The following PDGFRA variants were observed in gnomAD, a reference collection of about 807,000 sequenced individuals.
PDGFRA encodes platelet-derived growth factor receptor alpha.
In PDGFRA, 25 loss-of-function variants were observed where a neutral mutation model predicts 121.5. That is an observed-to-expected ratio of 0.21 (90% confidence interval 0.15 to 0.29). The LOEUF (loss-of-function observed/expected upper bound fraction) is 0.29. Among genes scored for constraint, PDGFRA ranks in the 10% least tolerant of loss-of-function variants. The pLI is 1.00. For missense variants in PDGFRA, 1,008 were observed against 1,345.1 expected (o/e 0.75, Z 3.92); for synonymous variants, 463 against 494.8 (o/e 0.94, Z 0.85).
chr4:54,266,218 A>AAT (rs1358905596), intron 5 of PDGFRA, among the ~76,000 whole-genome samples: 1 of 152,316 alleles, frequency 6.6e-6, no homozygotes, highest in Non-Finnish European at 1.5e-5. Context: ...TTGGCTTACA[A>AAT]ATATATAATC....
intron 22 of PDGFRA, among the ~76,000 whole-genome samples, chr4:54,294,232 G>C (rs375631876): frequency 5.3e-5 from 8 of 151,930 alleles, no homozygotes; most frequent in Non-Finnish European, 8.8e-5. Flanking sequence ...GTCTGCGATG[G>C]AACTTCACGG....
In PDGFRA at chr4:54,296,120, T is replaced by C. The variant is rs1188724803; in HGVS notation, c.*848T>C. 4.3e-6 allele frequency: 1 copy of C among 232,734 alleles called. No individual in the cohort carries two copies. Among genetic ancestry groups the C allele is most frequent in the African/African-American group, 2.2e-5 (1 of 45,322 alleles). The allele number at this position is 232,734 out of a possible 1,614,324, so 14.4% of individuals were successfully genotyped here. A position where few individuals can be genotyped will look rare whatever the true frequency, so the allele number is the denominator to read the frequency against. On this transcript the variant is annotated 3_prime_UTR_variant, in exon 23 of 23. Coordinates refer to ENST00000257290, the MANE Select transcript of PDGFRA (RefSeq NM_006206.6). The stretch of plus-strand genomic sequence containing the variant: ...TTAGTGAATTAAATTTAGTTGAGCA[T>C]AGAGAACAAAGTAAAAGTAGTGTTG...
At chr4:54,272,108 A>G (rs765736259) in intron 8 of PDGFRA, among the ~76,000 whole-genome samples, 78 of 149,616 alleles carry the variant, frequency 5.2e-4, no homozygotes, top group Admixed American at 1.1e-3. Context: ...CAGCCTCCCA[A>G]GTAGCTGGGG....
At chr4:54,230,628 TA>T (rs1720607147) in intron 1 of PDGFRA, 1 of 151,536 alleles carries the variant, frequency 6.6e-6, no homozygotes. Context: ...AGGTGGGAGG[TA>T]AACCATATTC....
intron 1 of PDGFRA, among the ~76,000 whole-genome samples, chr4:54,237,768 T>C (rs1721093089): frequency 6.6e-6 from 1 of 152,220 alleles, no homozygotes; most frequent in African/African-American, 2.4e-5. Flanking sequence ...TTTCTCCTGC[T>C]GTGGTGAGCA....
chr4:54,284,808 G>GTC (rs1381998683), intron 16 of PDGFRA, among the ~76,000 whole-genome samples: 2 of 149,606 alleles, frequency 1.3e-5, no homozygotes, highest in Non-Finnish European at 3.0e-5. Flanking sequence ...TTGCGTGTGT[G>GTC]TGTGTGTGTA....
chr4:54,273,976 C>T (rs147895768), intron 10 of PDGFRA, among the ~76,000 whole-genome samples: 43 of 152,274 alleles, frequency 2.8e-4, no homozygotes, highest in South Asian at 1.0e-3. Flanking sequence ...CTACCTAGGA[C>T]GTTGTTTTAG....
In PDGFRA at chr4:54,295,862, C is replaced by A. The variant is rs993682652; in HGVS notation, c.*590C>A. 8.5e-6 allele frequency: 2 copies of A among 234,486 alleles called. No homozygotes were observed. Among genetic ancestry groups the A allele is most frequent in the Admixed American group, 5.5e-5 (1 of 18,058 alleles). The allele number at this position is 234,486 out of a possible 1,614,324, so 14.5% of individuals were successfully genotyped here. On this transcript the variant is annotated 3_prime_UTR_variant, in exon 23 of 23. Coordinates refer to ENST00000257290, the MANE Select transcript of PDGFRA (RefSeq NM_006206.6). Reference sequence around the variant, plus strand: ...GAGATAAAGAATAATAATTAACCAACCTTGTTTAATAGATTTGGGTCATTT... The same window carrying A: ...GAGATAAAGAATAATAATTAACCAAACTTGTTTAATAGATTTGGGTCATTT...
At chr4:54,281,490 C>A (rs1029992175) in intron 16 of PDGFRA, 2 of 837,338 alleles carry the variant, frequency 2.4e-6, no homozygotes, top group Non-Finnish European at 3.4e-6. Flanking sequence ...AACTTCCAAG[C>A]GCTTTTAAAA....
intron 1 of PDGFRA, among the ~76,000 whole-genome samples, chr4:54,234,230 T>C (rs1169329671): frequency 6.6e-6 from 1 of 150,872 alleles, no homozygotes; most frequent in East Asian, 2.0e-4. Flanking sequence ...CCCGAGGAGA[T>C]TTAGCCATTT....
rs531568085 is a variant in PDGFRA, at chr4:54,276,443, A to C, written c.1787-945A>C. Among the ~76,000 whole-genome samples, 5 of 152,294 alleles carry C rather than the reference A, an allele frequency of 3.3e-5. No individual in the cohort carries two copies. The South Asian group carries it at 8.3e-4, about 25-fold the overall frequency. Reference sequence around the variant, plus strand: ...CTTGGTAAATCGGCTCTGTCTAGGCAGCGGACAAGGAGAATCCATGGGGCG... The same window carrying C: ...CTTGGTAAATCGGCTCTGTCTAGGCCGCGGACAAGGAGAATCCATGGGGCG... On this transcript the variant is annotated intron_variant, in intron 12 of 22. Transcript: ENST00000257290.
intron 5 of PDGFRA, 133 bp from the exon 6 acceptor site, chr4:54,267,156 C>T: frequency 5.8e-6 from 5 of 865,406 alleles, no homozygotes; most frequent in Middle Eastern, 3.3e-4. Context: ...TGTCAACATC[C>T]CTACCATCCA....
chr4:54,276,285 G>GT (rs1396117166), intron 12 of PDGFRA, among the ~76,000 whole-genome samples: 2 of 146,494 alleles, frequency 1.4e-5, no homozygotes, highest in Middle Eastern at 3.4e-3. Context: ...ACTGATTTGA[G>GT]TAATAGCAGA....
At chr4:54,286,627 G>A (rs28376051) in intron 18 of PDGFRA, among the ~76,000 whole-genome samples, 2,011 of 152,258 alleles carry the variant, frequency 0.013, 48 homozygotes, top group African/African-American at 0.046. Context: ...AAAGTGCTGG[G>A]ATGACAGGTG....
In PDGFRA at chr4:54,267,658, G is replaced by A. The variant is rs1308423101; in HGVS notation, c.1038G>A (p.Arg346=). 1 of 1,613,960 alleles carries A rather than the reference G, an allele frequency of 6.2e-7. No individual in the cohort carries two copies. The highest frequency in any genetic ancestry group is 8.5e-7 in the Non-Finnish European group (1 of 1,179,968). The change falls in exon 7 of 23, where the codon AGG becomes AGA. Residue 346 remains arginine, a synonymous_variant. Transcript: ENST00000257290. Reference sequence around the variant, plus strand: ...AGGTGCGGGCCTACCCACCTCCCAGGATATCCTGGCTGAAAAACAATCTGA... The same window carrying A: ...AGGTGCGGGCCTACCCACCTCCCAGAATATCCTGGCTGAAAAACAATCTGA... The part of the protein sequence containing the change: ...VVEVRAYPPP[R]ISWLKNNLTL...
intron 1 of PDGFRA, among the ~76,000 whole-genome samples, chr4:54,244,197 A>C (rs953121806): frequency 6.6e-6 from 1 of 152,226 alleles, no homozygotes; most frequent in Non-Finnish European, 1.5e-5. Context: ...CCTGTCTGAC[A>C]GCTTTGAAGA....
chr4:54,271,692 TTC>T (rs1253968234), intron 8 of PDGFRA, among the ~76,000 whole-genome samples: 3 of 148,272 alleles, frequency 2.0e-5, no homozygotes, highest in Admixed American at 6.7e-5. Flanking sequence ...CCCTCCTTTG[TTC>T]TCTCTTTTCC....
At chr4:54,283,754 T>C (rs1724182905) in intron 16 of PDGFRA, among the ~76,000 whole-genome samples, 1 of 152,196 alleles carries the variant, frequency 6.6e-6, no homozygotes. Context: ...CCTTTTATGC[T>C]CTGCTTCCCT....
chr4:54,287,104 G>C (rs1724400311), intron 18 of PDGFRA, among the ~76,000 whole-genome samples: 1 of 152,136 alleles, frequency 6.6e-6, no homozygotes, highest in Non-Finnish European at 1.5e-5. Context: ...TTGTTCCCAG[G>C]AATATCTAAA....
Sources: allele counts gnomAD v4.1 joint callset (sites outside exome capture counted in the v4.1 genomes callset), GRCh38; gene constraint gnomAD v4.1.1; transcripts MANE v1.5; gene names NCBI Gene and HGNC (gene_info 2026-07-23, HGNC 2026-07-21).